GPATCH2L: variants seen among roughly 807,000 people sequenced by gnomAD.
The protein encoded by GPATCH2L is G patch domain-containing protein 2-like.
In GPATCH2L, 31 loss-of-function variants were observed where a neutral mutation model predicts 57.4. That is an observed-to-expected ratio of 0.54 (90% CI 0.41 to 0.73). GPATCH2L has a LOEUF of 0.73. GPATCH2L is among the 30% of genes least tolerant of loss of function. The pLI is 0.00. For missense variants in GPATCH2L, 481 were observed against 599.9 expected (o/e 0.80, Z 2.07); for synonymous variants, 199 against 210.7 (o/e 0.94, Z 0.48).
chr14:76,204,762 A>T lies in GPATCH2L; in HGVS notation c.*2911A>T, dbSNP rs1001286291. 1.3e-5 allele frequency: 2 copies of T among 152,044 alleles called. No homozygotes were observed. Among genetic ancestry groups the T allele is most frequent in the African/African-American group, 4.8e-5 (2 of 41,392 alleles). The allele number at this position is 152,044 out of a possible 1,614,324, so 9.4% of individuals were successfully genotyped here. ...AGTTGTTATTTATTTCAGGGTTCTG[A>T]TTTTTCCCAGCTGGCTACACAAATG... On this transcript the variant is annotated 3_prime_UTR_variant, in exon 10 of 10. Coordinates refer to ENST00000261530, the MANE Select transcript of GPATCH2L (RefSeq NM_017926.4).
chr14:76,214,800 G>T (rs2040478223), downstream of GPATCH2L, among the ~76,000 whole-genome samples: 1 of 152,112 alleles, frequency 6.6e-6, no homozygotes, highest in South Asian at 2.1e-4. Context: ...GCAGCCAAAG[G>T]TCAGTCAGTT....
intron 2 of GPATCH2L, among the ~76,000 whole-genome samples, chr14:76,162,576 ACT>A (rs1263049634): frequency 6.6e-6 from 1 of 152,178 alleles, no homozygotes; most frequent in Non-Finnish European, 1.5e-5. Context: ...ACCACAGATG[ACT>A]ACTGGCTTTC....
In GPATCH2L at chr14:76,197,738, G is replaced by T. The variant is rs1232995700; in HGVS notation, c.1288+1766G>T. Among the ~76,000 whole-genome samples, 4 of 152,150 alleles carry T rather than the reference G, an allele frequency of 2.6e-5. No individual in the cohort carries two copies. The East Asian group carries it at 7.7e-4, about 29-fold the overall frequency. Reference sequence around the variant, plus strand: ...AATACACATCAGGGGCCAGCTCCTAGCACTAAATCACGCTACGGCATACAT... The same window carrying T: ...AATACACATCAGGGGCCAGCTCCTATCACTAAATCACGCTACGGCATACAT... On this transcript the variant is annotated intron_variant, in intron 9 of 9. Coordinates refer to ENST00000261530, the MANE Select transcript of GPATCH2L (RefSeq NM_017926.4).
rs1478151541 is a variant in GPATCH2L, at chr14:76,202,682, T to C, written c.*831T>C. 1 of 152,646 alleles carries C rather than the reference T, an allele frequency of 6.6e-6. No individual in the cohort carries two copies. The highest frequency in any genetic ancestry group is 1.5e-5 in the Non-Finnish European group (1 of 68,034). The allele number at this position is 152,646 out of a possible 1,614,324, so 9.5% of individuals were successfully genotyped here. Reference sequence around the variant, plus strand: ...TTATGTCCTAAGCAGGACTTTATTGTTAGTATTATAGGCTAATAACCTGCA... The same window carrying C: ...TTATGTCCTAAGCAGGACTTTATTGCTAGTATTATAGGCTAATAACCTGCA... On this transcript the variant is annotated 3_prime_UTR_variant, in exon 10 of 10. Coordinates refer to ENST00000261530, the MANE Select transcript of GPATCH2L (RefSeq NM_017926.4).
chr14:76,173,656 TG>T, intron 5 of GPATCH2L, 31 bp downstream of exon 5: 1 of 1,315,226 alleles, frequency 7.6e-7, no homozygotes, highest in Non-Finnish European at 1.1e-6. Flanking sequence ...CTTGGCTCAG[TG>T]GGGAGATAAT....
chr14:76,179,054 G>C (rs1177401772), intron 7 of GPATCH2L: 2 of 101,012 alleles, frequency 2.0e-5, no homozygotes, highest in Admixed American at 1.3e-4. Context: ...GTTTGTTGTG[G>C]GTTTTTTTGT....
intron 3 of GPATCH2L, among the ~76,000 whole-genome samples, chr14:76,171,591 TA>T (rs891273563): frequency 4.7e-5 from 7 of 147,720 alleles, no homozygotes; most frequent in African/African-American, 1.5e-4. Context: ...CCCAAAAAAA[TA>T]AAAAAATAGC....
intron 8 of GPATCH2L, among the ~76,000 whole-genome samples, chr14:76,194,502 T>TGTGTGTGC (rs985038118): frequency 6.6e-6 from 1 of 152,092 alleles, no homozygotes; most frequent in African/African-American, 2.4e-5. Flanking sequence ...TGTGTGTGTG[T>TGTGTGTGC]GTGCACGCTC....
chr14:76,177,000 C>A (rs553284537), intron 6 of GPATCH2L, among the ~76,000 whole-genome samples: 155 of 151,520 alleles, frequency 1.0e-3, no homozygotes, highest in South Asian at 3.5e-3. Context: ...TGGATGATTG[C>A]CTCTATCCTC....
At chr14:76,170,219 C>T (rs905969878) in intron 3 of GPATCH2L, among the ~76,000 whole-genome samples, 1 of 152,232 alleles carries the variant, frequency 6.6e-6, no homozygotes, top group South Asian at 2.1e-4. Context: ...TGTTAATGAC[C>T]CATGAATCTC....
At chr14:76,156,462 A>G (rs2038310880) in intron 2 of GPATCH2L, among the ~76,000 whole-genome samples, 1 of 152,142 alleles carries the variant, frequency 6.6e-6, no homozygotes, top group African/African-American at 2.4e-5. Flanking sequence ...TGACTTTCCT[A>G]ATTTTCCTCT....
Position 76,166,740 on chromosome 14 carries a change from C to G in GPATCH2L, c.727+13C>G. 1 of 1,574,130 alleles carries G rather than the reference C, an allele frequency of 6.4e-7. No homozygotes were observed. The highest frequency in any genetic ancestry group is 8.7e-7 in the Non-Finnish European group (1 of 1,143,936). The stretch of plus-strand genomic sequence containing the variant: ...GAAGGGCGACAAGGTAATGTCGATC[C>G]CAGCTTTGGGACCTTGGTTCCGTGT... On this transcript the variant is annotated intron_variant, in intron 3 of 9. Coordinates refer to ENST00000261530, the MANE Select transcript of GPATCH2L (RefSeq NM_017926.4).
At chr14:76,230,972 C>G (rs891064174) in intron 2 of GPATCH2L, among the ~76,000 whole-genome samples, 1 of 152,192 alleles carries the variant, frequency 6.6e-6, no homozygotes, top group Non-Finnish European at 1.5e-5. Context: ...GTGGCCTGTG[C>G]CATGTTTTTT....
intron 3 of GPATCH2L, chr14:76,170,870 GC>G (rs985403054): frequency 6.6e-6 from 1 of 152,114 alleles, no homozygotes; most frequent in African/African-American, 2.4e-5. Flanking sequence ...TCAGATCCTG[GC>G]TTCATTGTTT....
rs2039851528 is a variant in GPATCH2L, at chr14:76,188,440, T to A, written c.1194-7438T>A. Among the ~76,000 whole-genome samples the A allele has an allele frequency of 9.2e-5, 14 of 152,262 alleles. No individual in the cohort carries two copies. In the South Asian group the frequency reaches 2.7e-3, roughly 29 times the overall value. On this transcript the variant is annotated intron_variant, in intron 8 of 9. Transcript: ENST00000261530. ...GGGTCAGATGATGTCTCATTGTAGTTTTGATTTGCATTTTTCTGATGATCA... is the reference window on the plus strand; with the variant it reads ...GGGTCAGATGATGTCTCATTGTAGTATTGATTTGCATTTTTCTGATGATCA...
intron 8 of GPATCH2L, 36 bp from the exon 9 acceptor site, chr14:76,195,842 A>G: frequency 1.3e-6 from 2 of 1,491,934 alleles, no homozygotes; most frequent in Non-Finnish European, 1.9e-6. Flanking sequence ...AAGAATTAAA[A>G]AGTTCAAACC....
At chr14:76,177,695 AG>A (rs1414230913) in intron 6 of GPATCH2L, among the ~76,000 whole-genome samples, 4 of 115,626 alleles carry the variant, frequency 3.5e-5, no homozygotes, top group African/African-American at 7.5e-5. Flanking sequence ...TCCTTTGAAG[AG>A]GTTTTTTTTT....
At chr14:76,194,338 C>T (rs768423556) in intron 8 of GPATCH2L, among the ~76,000 whole-genome samples, 22 of 152,142 alleles carry the variant, frequency 1.4e-4, no homozygotes, top group Admixed American at 3.9e-4. Flanking sequence ...ATGGAATTTT[C>T]CAAACCACTG....
chr14:76,158,096 ATTTG>A (rs764301201), intron 2 of GPATCH2L, among the ~76,000 whole-genome samples: 1 of 151,394 alleles, frequency 6.6e-6, no homozygotes, highest in Non-Finnish European at 1.5e-5. Flanking sequence ...CTAACACATC[ATTTG>A]TTTGTTCCCC....
Sources: gnomAD v4.1 joint callset for allele counts (sites outside exome capture counted in the v4.1 genomes callset) on GRCh38, gnomAD v4.1.1 for gene constraint, MANE v1.5 for transcripts, NCBI Gene and HGNC (gene_info 2026-07-23, HGNC 2026-07-21) for gene names.